DPF3: variants seen among roughly 807,000 people sequenced by gnomAD.
DPF3 encodes zinc finger protein DPF3.
A neutral mutation model predicts 56.8 loss-of-function variants in DPF3; 18 were observed. That is an observed-to-expected ratio of 0.32 (90% CI 0.22 to 0.47). DPF3 has a LOEUF of 0.47. DPF3 is among the 20% of genes least tolerant of loss of function. DPF3 has a pLI of 1.00. For missense variants in DPF3, 403 were observed against 488.8 expected (o/e 0.82, Z 1.65); for synonymous variants, 188 against 180.2 (o/e 1.04, Z -0.35).
At chr14:72,878,458 T>A (rs952841926) in intron 1 of DPF3, among the ~76,000 whole-genome samples, 2 of 152,166 alleles carry the variant, frequency 1.3e-5, no homozygotes, top group Admixed American at 1.3e-4. Flanking sequence ...AGAAGATGTA[T>A]CCAAAAACAG....
At chr14:72,675,440 T>C (rs1886867956) in intron 7 of DPF3, 1 of 152,258 alleles carries the variant, frequency 6.6e-6, no homozygotes, top group South Asian at 2.1e-4. Context: ...AGTATCTTCC[T>C]CCTCACCAGA....
At chr14:72,749,846 TA>T (rs200765874) in intron 3 of DPF3, among the ~76,000 whole-genome samples, 118 of 122,596 alleles carry the variant, frequency 9.6e-4, no homozygotes, top group Admixed American at 9.5e-4. Flanking sequence ...AGACCCTGTT[TA>T]AAAAAAAAAA....
chr14:72,658,360 C>T (rs1886113944), intron 8 of DPF3, among the ~76,000 whole-genome samples: 2 of 151,658 alleles, frequency 1.3e-5, no homozygotes, highest in Non-Finnish European at 1.5e-5. Flanking sequence ...AATTAAAATT[C>T]CGGAAGGATT....
At chr14:72,885,954 T>G (rs1886528748) in intron 1 of DPF3, among the ~76,000 whole-genome samples, 1 of 152,114 alleles carries the variant, frequency 6.6e-6, no homozygotes, top group South Asian at 2.1e-4. Context: ...GAAGAACAAA[T>G]ATTGTATGTT....
chr14:72,651,736 G>A (rs968494137), intron 8 of DPF3, among the ~76,000 whole-genome samples: 3 of 152,176 alleles, frequency 2.0e-5, no homozygotes, highest in Admixed American at 1.3e-4. Flanking sequence ...GAGAGGAAAC[G>A]TGTCCTGCCA....
intron 8 of DPF3, among the ~76,000 whole-genome samples, chr14:72,668,403 T>C (rs939510737): frequency 1.3e-5 from 2 of 152,338 alleles, no homozygotes; most frequent in Middle Eastern, 3.4e-3. Context: ...ATAAGCAAGG[T>C]GAGACAAGAT....
intron 1 of DPF3, among the ~76,000 whole-genome samples, chr14:72,801,997 G>T (rs1892911584): frequency 6.6e-6 from 1 of 152,204 alleles, no homozygotes; most frequent in Non-Finnish European, 1.5e-5. Flanking sequence ...CCTTTGGGGT[G>T]ACTCAGAGCC....
At chr14:72,829,609 C>T (rs1203780448) in intron 1 of DPF3, among the ~76,000 whole-genome samples, 1 of 152,156 alleles carries the variant, frequency 6.6e-6, no homozygotes, top group Non-Finnish European at 1.5e-5. Context: ...TGGTCTCAAA[C>T]TCCTGACCTT....
rs1890660168 is a variant in DPF3 at position 72,753,388 on chromosome 14, T to C, written c.194-17A>G. On this transcript the variant is annotated splice_polypyrimidine_tract_variant and intron_variant, in intron 2 of 10. Transcript: ENST00000556509. ...GGGCAAGGCCTGTGGACAGAGACAATATAAAGATTAAAGGCTCCAGGCTGG... is the reference window on the plus strand; with the variant it reads ...GGGCAAGGCCTGTGGACAGAGACAACATAAAGATTAAAGGCTCCAGGCTGG... The C allele has an allele frequency of 6.3e-7, 1 of 1,595,486 alleles. No individual in the cohort carries two copies.
intron 3 of DPF3, among the ~76,000 whole-genome samples, chr14:72,736,125 T>C (rs984462744): frequency 6.6e-5 from 10 of 152,348 alleles, no homozygotes; most frequent in South Asian, 4.1e-4. Flanking sequence ...TAGTCACATG[T>C]AGAAAAAGGA....
chr14:72,834,047 T>C (rs542530253), intron 1 of DPF3, among the ~76,000 whole-genome samples: 6 of 152,052 alleles, frequency 3.9e-5, no homozygotes, highest in African/African-American at 1.4e-4. Flanking sequence ...CCAGGTGTGC[T>C]GGTGCACGCC....
At chr14:72,799,671 T>C (rs755811212) in intron 1 of DPF3, among the ~76,000 whole-genome samples, 3 of 151,854 alleles carry the variant, frequency 2.0e-5, no homozygotes, top group Non-Finnish European at 4.4e-5. Context: ...GAGACCCACA[T>C]CCCTTAGTGA....
chr14:72,811,930 TAA>T (rs1754131124), intron 1 of DPF3, among the ~76,000 whole-genome samples: 1 of 151,978 alleles, frequency 6.6e-6, no homozygotes, highest in Non-Finnish European at 1.5e-5. Context: ...GGAGCTGCAG[TAA>T]AGTCTTGAGT....
chr14:72,764,193 C>T (rs1314993695), intron 2 of DPF3, among the ~76,000 whole-genome samples: 1 of 152,166 alleles, frequency 6.6e-6, no homozygotes, highest in Admixed American at 6.5e-5. Context: ...CTCTGACCTC[C>T]AGGAAGAAAA....
chr14:72,819,088 G>A (rs564493581), intron 1 of DPF3, among the ~76,000 whole-genome samples: 12 of 152,266 alleles, frequency 7.9e-5, no homozygotes, highest in South Asian at 4.1e-4. Context: ...CAATAAGCAC[G>A]TGAAAATATG....
At chr14:72,840,209 G>T (rs530423788) in intron 1 of DPF3, among the ~76,000 whole-genome samples, 15 of 152,280 alleles carry the variant, frequency 9.9e-5, no homozygotes, top group Non-Finnish European at 2.2e-4. Context: ...GATCTGGAGG[G>T]TAAAGCCTGC....
intron 8 of DPF3, among the ~76,000 whole-genome samples, chr14:72,654,814 T>C (rs1886018269): frequency 1.3e-5 from 2 of 152,192 alleles, no homozygotes; most frequent in Non-Finnish European, 2.9e-5. Flanking sequence ...AGACATTTGG[T>C]ATATGTTTGA....
chr14:72,760,455 C>T (rs1485720260), intron 2 of DPF3, among the ~76,000 whole-genome samples: 2 of 152,156 alleles, frequency 1.3e-5, no homozygotes, highest in Non-Finnish European at 2.9e-5. Context: ...ATTATCGCAC[C>T]ATCTCAAAAT....
intron 1 of DPF3, among the ~76,000 whole-genome samples, chr14:72,837,261 G>A (rs1884335165): frequency 6.6e-6 from 1 of 152,184 alleles, no homozygotes; most frequent in Non-Finnish European, 1.5e-5. Flanking sequence ...ACAGAGGAAG[G>A]CAAAGAAAGA....
Sources: gnomAD v4.1 joint callset for allele counts (sites outside exome capture counted in the v4.1 genomes callset) on GRCh38, gnomAD v4.1.1 for gene constraint, MANE v1.5 for transcripts, NCBI Gene and HGNC (gene_info 2026-07-23, HGNC 2026-07-21) for gene names.